GLRA2: variants seen among roughly 807,000 people sequenced by gnomAD.
GLRA2 encodes the protein glycine receptor alpha 2.
GLRA2 carries 11 observed loss-of-function variants against 31.6 expected under a neutral mutation model. That is an observed-to-expected ratio of 0.35 (90% CI 0.22 to 0.58). The LOEUF (loss-of-function observed/expected upper bound fraction) is 0.58. Among genes scored for constraint, GLRA2 ranks in the 20% least tolerant of loss-of-function variants. The pLI is 0.84. For synonymous variants in GLRA2, 132 were observed against 134.0 expected (o/e 0.99, Z 0.10); for missense variants, 212 against 351.8 (o/e 0.60, Z 3.18).
At chrX:14,540,845 AAGAG>A (rs768853915) in intron 2 of GLRA2, among the ~76,000 whole-genome samples, 4 of 109,358 alleles carry the variant, frequency 3.7e-5, no homozygotes, top group Non-Finnish European at 5.7e-5. Context: ...GTGCGAGAGA[AAGAG>A]AAAGAAGGAC....
chrX:14,499,002 C>A, the GLRA2 span, among the ~76,000 whole-genome samples: 1 of 112,165 alleles, frequency 8.9e-6, no homozygotes, highest in African/African-American at 3.2e-5. Context: ...TTTCTGTATC[C>A]ATTCATCCAT....
chrX:14,601,564 C>T, intron 4 of GLRA2, among the ~76,000 whole-genome samples: 1 of 111,437 alleles, frequency 9.0e-6, no homozygotes. Context: ...ATGAATCATC[C>T]CACTAACCAA....
At chrX:14,535,674 T>C (rs890407467) in intron 2 of GLRA2, among the ~76,000 whole-genome samples, 3 of 112,470 alleles carry the variant, frequency 2.7e-5, no homozygotes, top group Non-Finnish European at 5.7e-5. Context: ...CACAATTACC[T>C]GGTTCTGAAA....
chrX:14,498,846 G>A, the GLRA2 span, among the ~76,000 whole-genome samples: 1 of 111,123 alleles, frequency 9.0e-6, no homozygotes, highest in Non-Finnish European at 1.9e-5. Flanking sequence ...CTCCCACGTG[G>A]GAAGGAGAAT....
intron 7 of GLRA2, among the ~76,000 whole-genome samples, chrX:14,684,537 C>G (rs2091253785): frequency 9.0e-6 from 1 of 111,492 alleles, no homozygotes; most frequent in Non-Finnish European, 1.9e-5. Flanking sequence ...CTTCATATCT[C>G]TTGTGAACTG....
chrX:14,616,407 T>A (rs1231097694), intron 7 of GLRA2, among the ~76,000 whole-genome samples: 1 of 111,506 alleles, frequency 9.0e-6, no homozygotes, highest in Admixed American at 9.5e-5. Flanking sequence ...TTCGCCATTA[T>A]TAACTGGGAT....
chrX:14,694,021 T>A (rs754224636), intron 8 of GLRA2, among the ~76,000 whole-genome samples: 1 of 109,909 alleles, frequency 9.1e-6, no homozygotes, highest in East Asian at 2.8e-4. Flanking sequence ...GGAGACAAAA[T>A]GAAGAATAAG....
intron 4 of GLRA2, among the ~76,000 whole-genome samples, chrX:14,581,628 G>A (rs1244096024): frequency 2.7e-5 from 3 of 111,483 alleles, no homozygotes; most frequent in Non-Finnish European, 3.8e-5. Flanking sequence ...ATGGTTAATG[G>A]TATTGTGTAA....
chrX:14,680,344 T>A (rs2091187840), intron 7 of GLRA2, among the ~76,000 whole-genome samples: 1 of 85,571 alleles, frequency 1.2e-5, no homozygotes, highest in Non-Finnish European at 2.3e-5. Flanking sequence ...ATGCTCTCAA[T>A]GTTTGTTTTT....
At chrX:14,518,363 C>T in the GLRA2 span, among the ~76,000 whole-genome samples, 1 of 112,000 alleles carries the variant, frequency 8.9e-6, no homozygotes, top group East Asian at 2.8e-4. Flanking sequence ...GGTTCTTCCT[C>T]TAAATATGCA....
the GLRA2 span, among the ~76,000 whole-genome samples, chrX:14,523,445 A>G: frequency 8.9e-5 from 10 of 112,149 alleles, no homozygotes; most frequent in Non-Finnish European, 1.9e-4. Context: ...CAGAAGTAGC[A>G]CTTTTATTTT....
intron 6 of GLRA2, 120 bp downstream of exon 6, chrX:14,607,388 G>C: frequency 1.8e-6 from 1 of 562,744 alleles, no homozygotes; most frequent in Non-Finnish European, 2.8e-6. Context: ...GACCTATGTC[G>C]CACGGACCTG....
the GLRA2 span, among the ~76,000 whole-genome samples, chrX:14,491,800 G>A: frequency 9.0e-6 from 1 of 111,670 alleles, no homozygotes; most frequent in African/African-American, 3.3e-5. Context: ...AGCCTAATAA[G>A]TGAGGATGGA....
intron 1 of GLRA2, chrX:14,531,259 C>A: frequency 2.1e-6 from 1 of 475,618 alleles, no homozygotes; most frequent in Non-Finnish European, 3.2e-6. Context: ...TTGAATACCC[C>A]TTCTTTGAAA....
chrX:14,530,502 C>T (rs910952957), intron 1 of GLRA2, among the ~76,000 whole-genome samples: 1 of 111,644 alleles, frequency 9.0e-6, no homozygotes, highest in Non-Finnish European at 1.9e-5. Flanking sequence ...TTGGCAGGAG[C>T]ATGCTCATTT....
intron 8 of GLRA2, among the ~76,000 whole-genome samples, chrX:14,724,154 G>A (rs1326578191): frequency 9.0e-6 from 1 of 111,461 alleles, no homozygotes; most frequent in Non-Finnish European, 1.9e-5. Context: ...ATTCGTATAT[G>A]TATATGTGTG....
chrX:14,670,548 G>A (rs1028351007), intron 7 of GLRA2, among the ~76,000 whole-genome samples: 4 of 111,745 alleles, frequency 3.6e-5, no homozygotes, highest in Non-Finnish European at 7.5e-5. Flanking sequence ...GGAGAAGCAA[G>A]TCACATCTTA....
chrX:14,680,945 C>T lies in GLRA2; in HGVS notation c.931-9765C>T, dbSNP rs753480240. On this transcript the variant is annotated intron_variant, in intron 7 of 8. Coordinates refer to ENST00000218075, the MANE Select transcript of GLRA2 (RefSeq NM_002063.4). ...CTTAGCTCTTGGTAGGCACATATCT[C>T]GGGCATTAACACATTCCTCTCATTA... Among the ~76,000 whole-genome samples the T allele has an allele frequency of 3.2e-4, 36 of 111,977 alleles. 1 individual carries two copies. The highest frequency in any genetic ancestry group is 9.3e-3 in the Middle Eastern group (2 of 214).
At chrX:14,451,485 C>G in the GLRA2 span, among the ~76,000 whole-genome samples, 4 of 108,679 alleles carry the variant, frequency 3.7e-5, no homozygotes, top group African/African-American at 1.3e-4. Context: ...AAAAAATTAG[C>G]CAAGCAAGGC....
Sources: gnomAD v4.1 joint callset for allele counts (sites outside exome capture counted in the v4.1 genomes callset) on GRCh38, gnomAD v4.1.1 for gene constraint, MANE v1.5 for transcripts, NCBI Gene and HGNC (gene_info 2026-07-23, HGNC 2026-07-21) for gene names.